The following CNTN6 variants were observed in gnomAD, a reference collection of about 807,000 sequenced individuals.
CNTN6 encodes contactin 6, also known as contactin-6.
In CNTN6, 137 loss-of-function variants were observed where a neutral mutation model predicts 122.8. The ratio of observed to expected loss-of-function variants is 1.12; its 90% confidence interval spans 0.97 to 1.29. The LOEUF (loss-of-function observed/expected upper bound fraction) is 1.29. Among genes scored for constraint, CNTN6 ranks in the 50% most tolerant of loss-of-function variants. The pLI is 0.00. For missense variants in CNTN6, 1,634 were observed against 1,223.4 expected, an observed-to-expected ratio of 1.34 and a Z score of -5.01; for synonymous variants, 570 against 426.0, an observed-to-expected ratio of 1.34 and a Z score of -4.16.
At chr3:1,303,424 G>T (rs1308993528) in intron 7 of CNTN6, among the ~76,000 whole-genome samples, 1 of 152,074 alleles carries the variant, frequency 6.6e-6, no homozygotes, top group Non-Finnish European at 1.5e-5. Flanking sequence ...TCTAGCTAGG[G>T]TTAGACTGTA....
chr3:1,317,212 A>ATCAT (rs1700209942), intron 7 of CNTN6, among the ~76,000 whole-genome samples: 1 of 151,674 alleles, frequency 6.6e-6, no homozygotes, highest in South Asian at 2.1e-4. Flanking sequence ...AAAGGTTTTT[A>ATCAT]TCATTATTTT....
intron 1 of CNTN6, among the ~76,000 whole-genome samples, chr3:1,122,404 G>T (rs1227033918): frequency 7.9e-6 from 1 of 127,326 alleles, no homozygotes; most frequent in Non-Finnish European, 1.7e-5. Context: ...GAAAGAAGGG[G>T]TTCTCAACCA....
At chr3:1,227,789 T>C (rs752784002) in intron 3 of CNTN6, 29 bp from the exon 4 acceptor site, 7 of 1,608,538 alleles carry the variant, frequency 4.4e-6, no homozygotes, top group East Asian at 4.5e-5. Context: ...CTGTATATTA[T>C]AAGCACTTTA....
chr3:1,278,063 C>G (rs572054878), intron 4 of CNTN6, among the ~76,000 whole-genome samples: 12 of 152,284 alleles, frequency 7.9e-5, no homozygotes, highest in Non-Finnish European at 1.3e-4. Context: ...AAGACTGCAG[C>G]AAACTTGTGA....
At chr3:1,141,021 T>C (rs1234674146) in intron 1 of CNTN6, among the ~76,000 whole-genome samples, 2 of 152,230 alleles carry the variant, frequency 1.3e-5, no homozygotes, top group Non-Finnish European at 2.9e-5. Flanking sequence ...TAGTCTGTAC[T>C]ATATTTTTCT....
chr3:1,384,828 T>TAA (rs1692614192), intron 19 of CNTN6, among the ~76,000 whole-genome samples: 1 of 143,676 alleles, frequency 7.0e-6, no homozygotes, highest in Non-Finnish European at 1.5e-5. Context: ...TATATATATA[T>TAA]ATAACCATAA....
At chr3:1,122,797 C>A (rs1253450053) in intron 1 of CNTN6, among the ~76,000 whole-genome samples, 1 of 151,804 alleles carries the variant, frequency 6.6e-6, no homozygotes, top group Non-Finnish European at 1.5e-5. Context: ...CTCTTTATGG[C>A]TGAATAATAT....
intron 4 of CNTN6, among the ~76,000 whole-genome samples, chr3:1,250,493 A>G (rs1265541002): frequency 1.3e-5 from 2 of 152,130 alleles, no homozygotes; most frequent in Non-Finnish European, 2.9e-5. Context: ...CCACAAACAC[A>G]CACTCAAAAC....
intron 4 of CNTN6, among the ~76,000 whole-genome samples, chr3:1,268,045 C>G (rs906443971): frequency 6.6e-6 from 1 of 152,148 alleles, no homozygotes; most frequent in Non-Finnish European, 1.5e-5. Flanking sequence ...GCACAAATTG[C>G]CCCAAAGAAA....
intron 12 of CNTN6, among the ~76,000 whole-genome samples, chr3:1,364,847 C>T (rs1396323359): frequency 6.6e-6 from 1 of 151,942 alleles, no homozygotes; most frequent in East Asian, 1.9e-4. Context: ...TATTACTCTT[C>T]TTAAGAATAG....
At position 1,280,459 on chromosome 3, in the gene CNTN6, A is replaced by ATTTTTTTTCTTTTTT. The variant is rs1553654932; in HGVS notation, c.454+1959_454+1960insCTTTTTTTTTTTTTT. Reference sequence around the variant, plus strand: ...GTAATGGCAAACTTGTGTAATACCAATTTTTTTTTTTTTTTTTTTTTTTGT... The same window carrying ATTTTTTTTCTTTTTT: ...GTAATGGCAAACTTGTGTAATACCAATTTTTTTTCTTTTTTTTTTTTTTTTTTTTTTTTTTTTTGT... On this transcript the variant is annotated intron_variant, in intron 5 of 22. Transcript: ENST00000446702. Among the ~76,000 whole-genome samples the ATTTTTTTTCTTTTTT allele has an allele frequency of 1.1e-4, 7 of 66,624 alleles. 1 individual carries two copies. Among genetic ancestry groups the ATTTTTTTTCTTTTTT allele is most frequent in the Non-Finnish European group, 1.9e-4 (7 of 36,562 alleles). The allele number at this position is 66,624 out of a possible 152,430, so 43.7% of individuals were successfully genotyped here.
intron 2 of CNTN6, among the ~76,000 whole-genome samples, chr3:1,150,593 C>T (rs2092818778): frequency 6.6e-6 from 1 of 152,048 alleles, no homozygotes; most frequent in African/African-American, 2.4e-5. Context: ...TTTAATTGTT[C>T]TATTTTAGTA....
chr3:1,191,524 C>A (rs550783168), intron 2 of CNTN6, among the ~76,000 whole-genome samples: 1 of 152,182 alleles, frequency 6.6e-6, no homozygotes. Flanking sequence ...GCACATAGGA[C>A]CCTTCTGGAT....
intron 2 of CNTN6, among the ~76,000 whole-genome samples, chr3:1,152,282 G>A (rs576468419): frequency 2.0e-5 from 3 of 151,896 alleles, no homozygotes; most frequent in African/African-American, 7.2e-5. Context: ...CAGATTACAG[G>A]CACGCACCAC....
Position 1,403,350 on chromosome 3 carries a change from C to A in CNTN6, c.3019C>A (p.Pro1007Thr), listed in dbSNP as rs541379101. ...TTCCAGAGGAATTCAATTCTTAGAA[C>A]CTAGCACCCATTTTCTTTCCATTGT... is the stretch of plus-strand genomic sequence containing the variant. ...LSSRGIQFLE[P>T]STHFLSIVIV... The change falls in exon 23 of 23, where the codon CCT becomes ACT. Residue 1007 changes from proline (P) to threonine (T), a missense_variant. Coordinates refer to ENST00000446702, the MANE Select transcript of CNTN6 (RefSeq NM_001289080.2). 13 of 1,610,794 alleles carry A rather than the reference C, an allele frequency of 8.1e-6. No individual in the cohort carries two copies. The African/African-American group carries it at 1.7e-4, about 22-fold the overall frequency.
At chr3:1,330,491 A>C (rs1456879072) in intron 11 of CNTN6, among the ~76,000 whole-genome samples, 2 of 151,186 alleles carry the variant, frequency 1.3e-5, no homozygotes, top group Non-Finnish European at 3.0e-5. Flanking sequence ...ACAAACAAAC[A>C]AAAAAAAAGA....
chr3:1,298,135 A>G (rs1696596929), intron 7 of CNTN6, 144 bp downstream of exon 7: 2 of 615,274 alleles, frequency 3.3e-6, no homozygotes, highest in Non-Finnish European at 5.6e-6. Context: ...TCTGATTTGA[A>G]TTTAAACAAA....
At chr3:1,393,706 TG>T (rs895706428) in intron 20 of CNTN6, among the ~76,000 whole-genome samples, 54 of 151,754 alleles carry the variant, frequency 3.6e-4, no homozygotes, top group African/African-American at 1.3e-3. Context: ...GTGCAGTTAT[TG>T]AGCCAAGACT....
chr3:1,329,182 C>T (rs1312607293), intron 10 of CNTN6, among the ~76,000 whole-genome samples: 2 of 150,600 alleles, frequency 1.3e-5, no homozygotes, highest in Non-Finnish European at 3.0e-5. Context: ...ATCAGAAACA[C>T]ACATACATAT....
Sources: gnomAD v4.1 joint callset for allele counts (sites outside exome capture counted in the v4.1 genomes callset) on GRCh38, gnomAD v4.1.1 for gene constraint, MANE v1.5 for transcripts, NCBI Gene and HGNC (gene_info 2026-07-23, HGNC 2026-07-21) for gene names.